Variants in PCGF5 observed in about 807,000 individuals in gnomAD.
The protein encoded by PCGF5 is polycomb group ring finger 5.
In PCGF5, 9 loss-of-function variants were observed where a neutral mutation model predicts 44.3. The ratio of observed to expected loss-of-function variants is 0.20; its 90% CI spans 0.12 to 0.35. The LOEUF is 0.35. Among genes scored for constraint, PCGF5 ranks in the 10% least tolerant of loss-of-function variants. PCGF5 has a pLI of 1.00. For synonymous variants in PCGF5, 95 were observed against 102.5 expected (o/e 0.93, Z 0.44); for missense variants, 146 against 305.3 (o/e 0.48, Z 3.89).
chr10:91,207,611 T>G (rs1159613405), intron 1 of PCGF5, among the ~76,000 whole-genome samples: 2 of 152,214 alleles, frequency 1.3e-5, no homozygotes, highest in Non-Finnish European at 2.9e-5. Context: ...ATATCCTTTA[T>G]AACCGTAACA....
chr10:91,198,309 T>C (rs1224056696), intron 1 of PCGF5, among the ~76,000 whole-genome samples: 1 of 152,200 alleles, frequency 6.6e-6, no homozygotes, highest in Non-Finnish European at 1.5e-5. Context: ...TGGGGGAACC[T>C]TGGACATCAG....
At chr10:91,195,110 G>A (rs1338926355) in intron 1 of PCGF5, among the ~76,000 whole-genome samples, 1 of 152,074 alleles carries the variant, frequency 6.6e-6, no homozygotes, top group Non-Finnish European at 1.5e-5. Context: ...GTTTAAGAGA[G>A]AGAAAAGATG....
chr10:91,253,952 T>TA (rs1311301888), intron 6 of PCGF5, among the ~76,000 whole-genome samples: 1 of 152,044 alleles, frequency 6.6e-6, no homozygotes, highest in African/African-American at 2.4e-5. Context: ...AAACATTACT[T>TA]ACAGAAATTG....
intron 7 of PCGF5, among the ~76,000 whole-genome samples, chr10:91,263,315 TA>T (rs1564655027): frequency 6.6e-6 from 1 of 152,002 alleles, no homozygotes; most frequent in East Asian, 1.9e-4. Context: ...ACAAAAAAGA[TA>T]AAAATGAAAT....
rs1243237935 is a variant in PCGF5, at chr10:91,282,881, TG to T, written c.*4566del. 2 of 152,616 alleles carry T rather than the reference TG, an allele frequency of 1.3e-5. No individual in the cohort carries two copies. The highest frequency in any genetic ancestry group is 2.9e-5 in the Non-Finnish European group (2 of 68,040). The allele number at this position is 152,616 out of a possible 1,614,324, so 9.5% of individuals were successfully genotyped here. On this transcript the variant is annotated 3_prime_UTR_variant, in exon 10 of 10. Transcript: ENST00000336126. The stretch of plus-strand genomic sequence containing the variant: ...TTTTCTGGATTAGAAACACAAAACT[TG>T]AAATGCAATTATCAATATTTTGTAA...
chr10:91,265,067 A>G (rs909848558), intron 8 of PCGF5, among the ~76,000 whole-genome samples: 2 of 152,100 alleles, frequency 1.3e-5, no homozygotes, highest in African/African-American at 4.8e-5. Context: ...CATATGGGAG[A>G]AATGATTCAA....
intron 2 of PCGF5, among the ~76,000 whole-genome samples, chr10:91,235,593 C>G (rs906975022): frequency 2.6e-5 from 4 of 151,924 alleles, no homozygotes; most frequent in Non-Finnish European, 5.9e-5. Context: ...TGGCTGTGTC[C>G]CCACCCAAAT....
chr10:91,214,382 G>A (rs1310832918), intron 1 of PCGF5, among the ~76,000 whole-genome samples: 1 of 152,000 alleles, frequency 6.6e-6, no homozygotes, highest in Non-Finnish European at 1.5e-5. Context: ...AGAGAAGACG[G>A]CCATGGGACT....
intron 1 of PCGF5, among the ~76,000 whole-genome samples, chr10:91,163,298 G>C (rs2133149770): frequency 6.6e-6 from 1 of 151,168 alleles, no homozygotes; most frequent in Non-Finnish European, 1.5e-5. Flanking sequence ...GGCGGCGCGC[G>C]GAAAGGGGCT....
chr10:91,224,891 T>G (rs1355798008), intron 2 of PCGF5, among the ~76,000 whole-genome samples: 1 of 152,168 alleles, frequency 6.6e-6, no homozygotes, highest in Non-Finnish European at 1.5e-5. Context: ...TCTACTTCCG[T>G]TTCCCGTTTC....
chr10:91,262,091 C>T (rs1176278315), intron 7 of PCGF5, among the ~76,000 whole-genome samples: 1 of 152,134 alleles, frequency 6.6e-6, no homozygotes, highest in African/African-American at 2.4e-5. Flanking sequence ...TCATTAATTT[C>T]CCCTTCTTCC....
chr10:91,225,054 T>C (rs1420713265), intron 2 of PCGF5, among the ~76,000 whole-genome samples: 1 of 152,024 alleles, frequency 6.6e-6, no homozygotes, highest in Non-Finnish European at 1.5e-5. Context: ...TCTATCTATA[T>C]GCTACAAATT....
At chr10:91,263,284 A>T (rs1845969609) in intron 7 of PCGF5, among the ~76,000 whole-genome samples, 2 of 151,758 alleles carry the variant, frequency 1.3e-5, no homozygotes, top group Admixed American at 1.3e-4. Flanking sequence ...GAGACCCTTT[A>T]CTTTGCTTAT....
At chr10:91,261,200 G>T in intron 6 of PCGF5, 126 bp from the exon 7 acceptor site, 1 of 1,198,882 alleles carries the variant, frequency 8.3e-7, no homozygotes, top group Non-Finnish European at 1.1e-6. Flanking sequence ...AAATTGAAAT[G>T]TTTTCACAAT....
At chr10:91,223,449 C>G (rs1844733916) in intron 2 of PCGF5, among the ~76,000 whole-genome samples, 1 of 152,096 alleles carries the variant, frequency 6.6e-6, no homozygotes, top group Non-Finnish European at 1.5e-5. Context: ...ATTTAATGAG[C>G]CGGAGACTCT....
chr10:91,208,372 G>C (rs949668896), intron 1 of PCGF5, among the ~76,000 whole-genome samples: 1 of 152,148 alleles, frequency 6.6e-6, no homozygotes, highest in Non-Finnish European at 1.5e-5. Context: ...TCTGGGGAGA[G>C]AAATACCTAA....
chr10:91,220,641 G>T (rs1243071356), upstream of PCGF5: 2 of 151,280 alleles, frequency 1.3e-5, no homozygotes, highest in Non-Finnish European at 1.5e-5. Context: ...CCGGACCTGG[G>T]CCCCGAGGCC....
chr10:91,264,565 C>G, intron 8 of PCGF5, 45 bp downstream of exon 8: 1 of 1,350,410 alleles, frequency 7.4e-7, no homozygotes, highest in Non-Finnish European at 1.0e-6. Flanking sequence ...TAGTTATATA[C>G]CATTATGTTA....
chr10:91,207,389 A>G (rs1402300075), intron 1 of PCGF5, among the ~76,000 whole-genome samples: 1 of 152,222 alleles, frequency 6.6e-6, no homozygotes, highest in Non-Finnish European at 1.5e-5. Flanking sequence ...TCTCTCACTT[A>G]GATTCACTGT....
Sources: gnomAD v4.1 joint callset for allele counts (sites outside exome capture counted in the v4.1 genomes callset) on GRCh38, gnomAD v4.1.1 for gene constraint, MANE v1.5 for transcripts, NCBI Gene and HGNC (gene_info 2026-07-23, HGNC 2026-07-21) for gene names.